Variants in FAM171B observed in about 807,000 individuals in gnomAD.
FAM171B encodes protein FAM171B.
In FAM171B, 19 loss-of-function variants were observed where a neutral mutation model predicts 75.6. The ratio of observed to expected loss-of-function variants is 0.25; its 90% CI spans 0.18 to 0.37. The LOEUF (loss-of-function observed/expected upper bound fraction) is 0.37. Ranked by LOEUF, FAM171B falls within the 10% of genes least tolerant of loss-of-function variation. FAM171B has a pLI of 1.00. For missense variants in FAM171B, 848 were observed against 982.4 expected (o/e 0.86, Z 1.83); for synonymous variants, 367 against 361.7 (o/e 1.01, Z -0.17).
intron 2 of FAM171B, among the ~76,000 whole-genome samples, chr2:186,740,664 A>G (rs1418060472): frequency 6.6e-6 from 1 of 152,198 alleles, no homozygotes; most frequent in Non-Finnish European, 1.5e-5. Context: ...TGAGCCGGGT[A>G]GCTTGTAAAC....
chr2:186,719,872 G>A (rs1232178225), intron 1 of FAM171B, among the ~76,000 whole-genome samples: 1 of 152,132 alleles, frequency 6.6e-6, no homozygotes, highest in African/African-American at 2.4e-5. Flanking sequence ...TTTGATTAAA[G>A]CATTGTTTCC....
At position 186,754,062 on chromosome 2, in the gene FAM171B, A is replaced by G; in HGVS notation, c.1012+13A>G. The G allele has an allele frequency of 1.9e-6, 3 of 1,560,038 alleles. No individual in the cohort carries two copies. The highest frequency in any genetic ancestry group is 2.6e-6 in the Non-Finnish European group (3 of 1,146,486). ...CCAGGAACTAGAGGTATTGTAAAAAATGAAAGTAATTAAAACATGTAATTC... is the reference window on the plus strand; with the variant it reads ...CCAGGAACTAGAGGTATTGTAAAAAGTGAAAGTAATTAAAACATGTAATTC... On this transcript the variant is annotated intron_variant, in intron 6 of 7. Coordinates refer to ENST00000304698, the MANE Select transcript of FAM171B (RefSeq NM_177454.4).
At chr2:186,753,873 T>G in intron 5 of FAM171B, 60 bp from the exon 6 acceptor site, 1 of 1,286,816 alleles carries the variant, frequency 7.8e-7, no homozygotes, top group Non-Finnish European at 1.1e-6. Context: ...ATGTATTCTG[T>G]GCATGACCAT....
chr2:186,714,996 A>T (rs544385096), intron 1 of FAM171B, among the ~76,000 whole-genome samples: 1 of 152,336 alleles, frequency 6.6e-6, no homozygotes, highest in Non-Finnish European at 1.5e-5. Context: ...CAGAGGTGGT[A>T]ATTCCTTAAA....
chr2:186,703,076 T>TACACACACACAC (rs35043744), intron 1 of FAM171B, among the ~76,000 whole-genome samples: 1 of 145,484 alleles, frequency 6.9e-6, no homozygotes, highest in Non-Finnish European at 1.5e-5. Context: ...TATATATATA[T>TACACACACACAC]ACACACACAC....
intron 1 of FAM171B, among the ~76,000 whole-genome samples, chr2:186,699,876 G>A (rs1015866853): frequency 6.6e-6 from 1 of 152,136 alleles, no homozygotes; most frequent in Admixed American, 6.5e-5. Flanking sequence ...TTATTGAATA[G>A]ACTGTCCTTC....
chr2:186,710,418 C>T (rs1689794607), intron 1 of FAM171B, among the ~76,000 whole-genome samples: 1 of 152,196 alleles, frequency 6.6e-6, no homozygotes, highest in African/African-American at 2.4e-5. Flanking sequence ...GATTTGCTTC[C>T]TCTTTAGACC....
chr2:186,758,516 C>A (rs749410673), intron 6 of FAM171B, among the ~76,000 whole-genome samples: 2 of 152,144 alleles, frequency 1.3e-5, no homozygotes, highest in Non-Finnish European at 2.9e-5. Context: ...CCACCACTCA[C>A]TCTTCTTACC....
chr2:186,716,255 C>T (rs550147391), intron 1 of FAM171B, among the ~76,000 whole-genome samples: 45 of 152,230 alleles, frequency 3.0e-4, no homozygotes, highest in African/African-American at 1.0e-3. Context: ...TTTAAGTGAT[C>T]ATCCTGCCTC....
intron 1 of FAM171B, among the ~76,000 whole-genome samples, chr2:186,696,944 G>C (rs1689590783): frequency 1.3e-5 from 2 of 151,998 alleles, no homozygotes; most frequent in South Asian, 4.1e-4. Context: ...TATATTTCTA[G>C]TATCTCGAAG....
At position 186,747,201 on chromosome 2, in the gene FAM171B, G is replaced by C; in HGVS notation, c.675G>C (p.Leu225Phe). ...ATCTTACAGTTCTACAACAGTTTTT[G>C]AAAGTGGACAATTTTCTGCATACAA... Reference protein sequence around the residue: ...TGYLTVLQQFLKVDNFLHTTG... With the variant: ...TGYLTVLQQFFKVDNFLHTTG... Residue 225 changes from leucine to phenylalanine, a missense_variant, in exon 4 of 8, where the codon TTG becomes TTC. Around this residue, in one of 3 missense-constraint regions of FAM171B, gnomAD observed 665 missense variants for 729.0 expected, o/e 0.91. Coordinates refer to ENST00000304698, the MANE Select transcript of FAM171B (RefSeq NM_177454.4). 7 of 1,603,252 alleles carry C rather than the reference G, an allele frequency of 4.4e-6. No individual in the cohort carries two copies. Among genetic ancestry groups the C allele is most frequent in the Non-Finnish European group, 6.0e-6 (7 of 1,175,876 alleles).
chr2:186,695,829 G>C, intron 1 of FAM171B, among the ~76,000 whole-genome samples: 1 of 152,180 alleles, frequency 6.6e-6, no homozygotes, highest in East Asian at 1.9e-4. Context: ...GTTCGCTAAA[G>C]TTAAGGAAAT....
intron 1 of FAM171B, among the ~76,000 whole-genome samples, chr2:186,727,068 T>TC (rs1385447419): frequency 6.6e-6 from 1 of 151,790 alleles, no homozygotes; most frequent in Non-Finnish European, 1.5e-5. Context: ...CTTCCCTCTC[T>TC]CCCCCCACCC....
At chr2:186,700,333 T>C (rs1360599839) in intron 1 of FAM171B, among the ~76,000 whole-genome samples, 1 of 151,830 alleles carries the variant, frequency 6.6e-6, no homozygotes, top group Admixed American at 6.6e-5. Flanking sequence ...GATATACCCA[T>C]ATAAACATCA....
Position 186,701,522 on chromosome 2 carries a change from A to G in FAM171B, c.238+7111A>G, listed in dbSNP as rs189871484. 4.6e-5 allele frequency among the ~76,000 whole-genome samples: 7 copies of G among 152,234 alleles called. No individual in the cohort carries two copies. The East Asian group carries it at 1.2e-3, about 25-fold the overall frequency. On this transcript the variant is annotated intron_variant, in intron 1 of 7. Coordinates refer to ENST00000304698, the MANE Select transcript of FAM171B (RefSeq NM_177454.4). Reference sequence around the variant, plus strand: ...CCATTTTCTCTTGCCCTTTGTAGCCACTTAAATCTCCCATCCATGAAAGCA... The same window carrying G: ...CCATTTTCTCTTGCCCTTTGTAGCCGCTTAAATCTCCCATCCATGAAAGCA...
intron 7 of FAM171B, 55 bp from the exon 8 acceptor site, chr2:186,761,424 A>G (rs906975098): frequency 1.1e-5 from 16 of 1,515,778 alleles, no homozygotes; most frequent in Non-Finnish European, 1.3e-5. Context: ...TTTTTAATAA[A>G]TGAACCATTT....
intron 1 of FAM171B, among the ~76,000 whole-genome samples, chr2:186,734,313 A>G (rs972579260): frequency 6.6e-6 from 1 of 151,862 alleles, no homozygotes; most frequent in Non-Finnish European, 1.5e-5. Context: ...GGAGACCCAG[A>G]GCGGGTAGGT....
chr2:186,704,435 G>A (rs1689707147), intron 1 of FAM171B, among the ~76,000 whole-genome samples: 1 of 152,092 alleles, frequency 6.6e-6, no homozygotes, highest in African/African-American at 2.4e-5. Context: ...CTAGAAGGAG[G>A]TAAAAATGAC....
rs747258420 is a variant in FAM171B at position 186,762,811 on chromosome 2, T to C, written c.2469T>C (p.Ile823=). 2.5e-6 allele frequency: 4 copies of C among 1,610,192 alleles called. No homozygotes were observed. In the East Asian group the frequency reaches 6.7e-5, roughly 27 times the overall value. The stretch of plus-strand genomic sequence containing the variant: ...AGAAGCGAGAGGAACGCCCACTGAT[T>C]CCCATAAATTAACTCCAATGGGGAT... ...IWKKREERPL[I]PIN The change falls in exon 8 of 8, where the codon ATT becomes ATC. Residue 823 remains isoleucine (I), a synonymous_variant. Coordinates refer to ENST00000304698, the MANE Select transcript of FAM171B (RefSeq NM_177454.4). This position sits in a 1 kb window ranked among gnomAD's most constrained non-coding sequence, Gnocchi z 4.0.
Sources: allele counts gnomAD v4.1 joint callset (sites outside exome capture counted in the v4.1 genomes callset), GRCh38; gene constraint gnomAD v4.1.1; regional missense constraint gnomAD v4.1.1; non-coding constraint Gnocchi (gnomAD v3.1); transcripts MANE v1.5; gene names NCBI Gene and HGNC (gene_info 2026-07-23, HGNC 2026-07-21).